KLHL29: variants seen among roughly 807,000 people sequenced by gnomAD.
KLHL29 encodes the protein kelch-like protein 29.
KLHL29 carries 21 observed loss-of-function variants against 80.4 expected under a neutral mutation model. That is an observed-to-expected ratio of 0.26 (90% CI 0.19 to 0.38). KLHL29 has a LOEUF of 0.38. Ranked by LOEUF, KLHL29 falls within the 10% of genes least tolerant of loss-of-function variation. The probability of loss-of-function intolerance (pLI) is 1.00; values close to 1 mark genes in which losing one functional copy is unlikely to be tolerated. For missense variants in KLHL29, 867 were observed against 1,223.9 expected (o/e 0.71, Z 4.35); for synonymous variants, 511 against 526.8 (o/e 0.97, Z 0.41).
At chr2:23,558,863 C>G (rs1667367037) in intron 2 of KLHL29, among the ~76,000 whole-genome samples, 1 of 152,252 alleles carries the variant, frequency 6.6e-6, no homozygotes, top group Admixed American at 6.5e-5. Flanking sequence ...TTTATTGATT[C>G]ATTCAGCACA....
intron 3 of KLHL29, among the ~76,000 whole-genome samples, chr2:23,601,660 G>A (rs889217234): frequency 6.6e-6 from 1 of 152,184 alleles, no homozygotes; most frequent in African/African-American, 2.4e-5. Context: ...AGACCACTGG[G>A]GTGGGAGGGT....
At chr2:23,420,349 C>T (rs1400226479) in intron 1 of KLHL29, among the ~76,000 whole-genome samples, 4 of 152,168 alleles carry the variant, frequency 2.6e-5, no homozygotes, top group East Asian at 1.9e-4. Context: ...ATTCTCACTG[C>T]GTGCAGCCCG....
chr2:23,453,623 T>C (rs1485159734), intron 1 of KLHL29, among the ~76,000 whole-genome samples: 4 of 152,268 alleles, frequency 2.6e-5, no homozygotes, highest in Admixed American at 1.3e-4. Flanking sequence ...CTGGGCACCC[T>C]GAGAAATGGA....
chr2:23,478,092 G>T (rs530924314), intron 2 of KLHL29, among the ~76,000 whole-genome samples: 1 of 152,216 alleles, frequency 6.6e-6, no homozygotes, highest in East Asian at 1.9e-4. Context: ...CCAGACCAGG[G>T]TCCCTGTTGT....
At chr2:23,662,282 TAGGATTTA>T (rs1253867654) in intron 5 of KLHL29, among the ~76,000 whole-genome samples, 1 of 152,232 alleles carries the variant, frequency 6.6e-6, no homozygotes, top group Non-Finnish European at 1.5e-5. Context: ...GATATTTTTG[TAGGATTTA>T]ACCCTACTGT....
At chr2:23,474,115 ACTT>A (rs1664568107) in intron 1 of KLHL29, among the ~76,000 whole-genome samples, 1 of 152,084 alleles carries the variant, frequency 6.6e-6, no homozygotes, top group South Asian at 2.1e-4. Flanking sequence ...AATTTTCACT[ACTT>A]TTTAAGTGTA....
At chr2:23,390,852 C>T (rs1196707772) in intron 1 of KLHL29, among the ~76,000 whole-genome samples, 3 of 152,006 alleles carry the variant, frequency 2.0e-5, no homozygotes, top group African/African-American at 7.2e-5. Flanking sequence ...CGGGGTTTCA[C>T]CATGTTGGCC....
intron 3 of KLHL29, among the ~76,000 whole-genome samples, chr2:23,583,731 A>G (rs1668043422): frequency 6.6e-6 from 1 of 152,158 alleles, no homozygotes. Context: ...ACTGGTTATA[A>G]CCCTCACAGA....
rs189256229 is a variant in KLHL29, at chr2:23,435,183, C to T, written c.-153-40377C>T. ...AGAATGGGGACTGGTGCCATGGAGA[C>T]GGGGAATGTATGGTGTTGGGTAAGG... On this transcript the variant is annotated intron_variant, in intron 1 of 13. Coordinates refer to ENST00000486442, the MANE Select transcript of KLHL29 (RefSeq NM_052920.2). 7.1e-4 allele frequency among the ~76,000 whole-genome samples: 108 copies of T among 152,026 alleles called. No individual in the cohort carries two copies. In the South Asian group the frequency reaches 9.4e-3, roughly 13 times the overall value.
intron 3 of KLHL29, among the ~76,000 whole-genome samples, chr2:23,636,438 G>A (rs1669611463): frequency 6.6e-6 from 1 of 150,958 alleles, no homozygotes; most frequent in South Asian, 2.1e-4. Flanking sequence ...CCACAGAGCT[G>A]CTTTCTTATA....
At chr2:23,703,639 T>C in intron 12 of KLHL29, 80 bp from the exon 13 acceptor site, 1 of 1,442,054 alleles carries the variant, frequency 6.9e-7, no homozygotes. Context: ...CTTCCTTCCC[T>C]GGAGGGTCTT....
intron 8 of KLHL29, among the ~76,000 whole-genome samples, chr2:23,694,905 A>G (rs1022954912): frequency 1.3e-5 from 2 of 151,856 alleles, no homozygotes; most frequent in African/African-American, 4.8e-5. Context: ...CTCCCATTAA[A>G]CTGTGTACCC....
intron 2 of KLHL29, among the ~76,000 whole-genome samples, chr2:23,498,548 G>T (rs1426283072): frequency 6.6e-6 from 1 of 152,240 alleles, no homozygotes. Context: ...TTTCGGGGTT[G>T]GGGAGCAGAC....
At chr2:23,542,778 G>C (rs1343130663) in intron 2 of KLHL29, among the ~76,000 whole-genome samples, 1 of 152,194 alleles carries the variant, frequency 6.6e-6, no homozygotes, top group African/African-American at 2.4e-5. Context: ...GTTGAACCTG[G>C]AAGATGATCT....
intron 1 of KLHL29, among the ~76,000 whole-genome samples, chr2:23,440,133 C>A (rs1045973211): frequency 6.6e-6 from 1 of 152,028 alleles, no homozygotes; most frequent in Non-Finnish European, 1.5e-5. Flanking sequence ...AGGATTGCAA[C>A]CCCTGCCTTT....
chr2:23,464,642 T>G (rs981741375), intron 1 of KLHL29, among the ~76,000 whole-genome samples: 4 of 152,160 alleles, frequency 2.6e-5, no homozygotes, highest in Non-Finnish European at 4.4e-5. Flanking sequence ...GCCTCCCCAC[T>G]TTCCCCTTCC....
At chr2:23,608,971 A>G (rs1310091819) in intron 3 of KLHL29, among the ~76,000 whole-genome samples, 1 of 152,208 alleles carries the variant, frequency 6.6e-6, no homozygotes, top group Non-Finnish European at 1.5e-5. Flanking sequence ...CAGAATGGGA[A>G]TAGGATAATT....
At chr2:23,646,378 T>C (rs892328580) in intron 5 of KLHL29, among the ~76,000 whole-genome samples, 45 of 152,336 alleles carry the variant, frequency 3.0e-4, no homozygotes, top group African/African-American at 9.1e-4. Context: ...AGAGGATGTA[T>C]GGGGACCTTT....
intron 3 of KLHL29, among the ~76,000 whole-genome samples, chr2:23,574,373 G>A (rs1041282144): frequency 4.6e-5 from 7 of 152,148 alleles, no homozygotes; most frequent in East Asian, 3.9e-4. Flanking sequence ...AAGGTGGAAC[G>A]CCGAAGCTCT....
Sources: gnomAD v4.1 joint callset for allele counts (sites outside exome capture counted in the v4.1 genomes callset) on GRCh38, gnomAD v4.1.1 for gene constraint, MANE v1.5 for transcripts, NCBI Gene and HGNC (gene_info 2026-07-23, HGNC 2026-07-21) for gene names.